FUT8: variants seen among roughly 807,000 people sequenced by gnomAD.
FUT8 encodes the protein fucosyltransferase 8, also known as alpha-(1,6)-fucosyltransferase.
Under a neutral mutation model 71.3 loss-of-function variants are expected in FUT8, and 29 were observed. The ratio of observed to expected loss-of-function variants is 0.41; its 90% confidence interval spans 0.30 to 0.55. The LOEUF (loss-of-function observed/expected upper bound fraction) is 0.55, where lower values mean the gene tolerates loss of function less well. Among genes scored for constraint, FUT8 ranks in the 20% least tolerant of loss-of-function variants. The pLI, the probability that FUT8 is intolerant of heterozygous loss-of-function variation, is 0.34. For synonymous variants in FUT8, 254 were observed against 239.3 expected (o/e 1.06, Z -0.57); for missense variants, 544 against 702.1 (o/e 0.77, Z 2.55).
At chr14:65,512,061 G>C (rs543853119) in intron 2 of FUT8, among the ~76,000 whole-genome samples, 1 of 152,310 alleles carries the variant, frequency 6.6e-6, no homozygotes, top group Non-Finnish European at 1.5e-5. Context: ...TAGGCTACAA[G>C]CCTGTACAGC....
chr14:65,658,254 G>A (rs1226175124), intron 6 of FUT8, among the ~76,000 whole-genome samples: 2 of 152,140 alleles, frequency 1.3e-5, no homozygotes, highest in South Asian at 2.1e-4. Flanking sequence ...AAGACATGAT[G>A]AGATACAATT....
In FUT8 at chr14:65,743,328, A is replaced by G. The variant is rs1395123983; in HGVS notation, c.*918A>G. The G allele has an allele frequency of 6.6e-6, 1 of 151,802 alleles. No individual in the cohort carries two copies. Among genetic ancestry groups the G allele is most frequent in the African/African-American group, 2.4e-5 (1 of 41,376 alleles). The allele number at this position is 151,802 out of a possible 1,614,324, so 9.4% of individuals were successfully genotyped here. A position where few individuals can be genotyped will look rare whatever the true frequency, so the allele number is the denominator to read the frequency against. ...TGGTCCATTTTAATACTGAAAACCA[A>G]TTTTCATTGGTACACATTACAAAAT... On this transcript the variant is annotated 3_prime_UTR_variant, in exon 11 of 11. Coordinates refer to ENST00000673929, the MANE Select transcript of FUT8 (RefSeq NM_001371533.1).
chr14:65,376,348 CAAG>C, the FUT8 span, among the ~76,000 whole-genome samples: 1,458 of 152,216 alleles, frequency 9.6e-3, 24 homozygotes, highest in African/African-American at 0.034. Context: ...CAAACAAAAT[CAAG>C]AAGAACATGT....
intron 3 of FUT8, among the ~76,000 whole-genome samples, chr14:65,597,472 A>T (rs1888046316): frequency 6.6e-6 from 1 of 151,982 alleles, no homozygotes; most frequent in Non-Finnish European, 1.5e-5. Context: ...AAATACAAAA[A>T]ATTAGCCGGG....
At chr14:65,506,769 T>C (rs1176949023) in intron 2 of FUT8, among the ~76,000 whole-genome samples, 1 of 152,220 alleles carries the variant, frequency 6.6e-6, no homozygotes, top group East Asian at 1.9e-4. Context: ...CATTTATCCT[T>C]TGTGTTACAG....
At chr14:65,563,346 A>G (rs956647165) in intron 3 of FUT8, among the ~76,000 whole-genome samples, 6 of 152,064 alleles carry the variant, frequency 3.9e-5, no homozygotes, top group African/African-American at 1.4e-4. Context: ...TCTTTATGAG[A>G]TGTTAGTACC....
Position 65,693,043 on chromosome 14 carries a change from G to A in FUT8, c.835+23563G>A, listed in dbSNP as rs1893772751. Among the ~76,000 whole-genome samples, 3 of 151,592 alleles carry A rather than the reference G, an allele frequency of 2.0e-5. 1 individual carries two copies. Among genetic ancestry groups the A allele is most frequent in the South Asian group, 4.2e-4 (2 of 4,794 alleles). ...CCAGACTGGGCAGCCAGGCAGAGGG[G>A]CTCCTCACATCCCAGACAATGGGCA... On this transcript the variant is annotated intron_variant, in intron 7 of 10. Transcript: ENST00000673929.
chr14:65,617,764 T>G (rs1353974151), intron 5 of FUT8, among the ~76,000 whole-genome samples: 1 of 151,752 alleles, frequency 6.6e-6, no homozygotes, highest in Non-Finnish European at 1.5e-5. Context: ...GCCAACATGG[T>G]GAAACCCCGT....
At chr14:65,359,396 G>A in the FUT8 span, among the ~76,000 whole-genome samples, 122 of 152,284 alleles carry the variant, frequency 8.0e-4, no homozygotes, top group East Asian at 0.018. Flanking sequence ...GTTCAGTGGC[G>A]TTAAGTACAT....
intron 2 of FUT8, among the ~76,000 whole-genome samples, chr14:65,462,320 A>G (rs2065980214): frequency 6.6e-6 from 1 of 152,212 alleles, no homozygotes; most frequent in Non-Finnish European, 1.5e-5. Context: ...CTGACTTACC[A>G]TTTTGTTTTT....
intron 7 of FUT8, among the ~76,000 whole-genome samples, chr14:65,692,384 G>A (rs1893677559): frequency 1.5e-4 from 21 of 141,586 alleles, no homozygotes; most frequent in Admixed American, 1.4e-3. Context: ...CCTCCCGGAC[G>A]GGGCGGCTGG....
chr14:65,466,307 C>T (rs948051765), intron 2 of FUT8, among the ~76,000 whole-genome samples: 12 of 152,280 alleles, frequency 7.9e-5, no homozygotes, highest in Middle Eastern at 3.4e-3. Context: ...GGATTAATGT[C>T]TACTGTATTT....
chr14:65,423,002 T>TTTC (rs1566737492), intron 1 of FUT8, among the ~76,000 whole-genome samples: 1 of 143,568 alleles, frequency 7.0e-6, no homozygotes, highest in African/African-American at 2.6e-5. Context: ...TTTTTTTTTT[T>TTTC]CGAGACTGAG....
intron 6 of FUT8, among the ~76,000 whole-genome samples, chr14:65,632,066 C>T (rs1276937238): frequency 6.6e-6 from 1 of 152,122 alleles, no homozygotes; most frequent in Non-Finnish European, 1.5e-5. Context: ...TTCCACTCTG[C>T]ATATACATAT....
intron 1 of FUT8, among the ~76,000 whole-genome samples, chr14:65,429,496 A>G (rs971157712): frequency 1.3e-5 from 2 of 152,230 alleles, no homozygotes; most frequent in South Asian, 2.1e-4. Context: ...TTTGATAACA[A>G]ATATCTCCAA....
intron 7 of FUT8, among the ~76,000 whole-genome samples, chr14:65,683,119 T>G (rs1594893670): frequency 6.6e-6 from 1 of 151,892 alleles, no homozygotes; most frequent in Non-Finnish European, 1.5e-5. Flanking sequence ...GTTCAAGCGA[T>G]TCTCCTGCCT....
chr14:65,620,364 G>C (rs1889540554), intron 5 of FUT8, among the ~76,000 whole-genome samples: 2 of 152,088 alleles, frequency 1.3e-5, no homozygotes, highest in Admixed American at 6.5e-5. Context: ...GCTGTGCTTA[G>C]ACTAAATTGT....
At chr14:65,401,328 C>A in the FUT8 span, among the ~76,000 whole-genome samples, 1 of 152,166 alleles carries the variant, frequency 6.6e-6, no homozygotes, top group African/African-American at 2.4e-5. Context: ...TCAGCCAGTT[C>A]CTGTGTTTGC....
chr14:65,512,765 C>G (rs531672443), intron 2 of FUT8, among the ~76,000 whole-genome samples: 1 of 151,652 alleles, frequency 6.6e-6, no homozygotes, highest in African/African-American at 2.4e-5. Flanking sequence ...AAAAATTAGC[C>G]GGGCATGGTG....
Sources: gnomAD v4.1 joint callset for allele counts (sites outside exome capture counted in the v4.1 genomes callset) on GRCh38, gnomAD v4.1.1 for gene constraint, MANE v1.5 for transcripts, NCBI Gene and HGNC (gene_info 2026-07-23, HGNC 2026-07-21) for gene names.